The following PCDH15 variants were observed in gnomAD, a reference collection of about 807,000 sequenced individuals.
PCDH15 encodes the protein protocadherin-15.
A neutral mutation model predicts 178.5 loss-of-function variants in PCDH15; 129 were observed. The observed-to-expected ratio is 0.72, with a 90% CI of 0.63 to 0.84. PCDH15 has a LOEUF of 0.84. Ranked by LOEUF, PCDH15 falls within the 40% of genes least tolerant of loss-of-function variation. The pLI, the probability that PCDH15 is intolerant of heterozygous loss-of-function variation, is 0.00. For missense variants in PCDH15, 2,230 were observed against 2,099.9 expected (o/e 1.06, Z -1.21); for synonymous variants, 800 against 732.0 (o/e 1.09, Z -1.50).
Position 55,468,332 on chromosome 10 carries a change from A to T in PCDH15, c.-156+159293T>A, listed in dbSNP as rs999487693. 3 of 152,114 alleles carry T rather than the reference A, an allele frequency of 2.0e-5. No individual in the cohort carries two copies. The East Asian group carries it at 5.8e-4, about 29-fold the overall frequency. 9.4% of individuals were successfully genotyped at this position (152,114 alleles called of 1,614,324 possible). A position where few individuals can be genotyped will look rare whatever the true frequency, so the allele number is the denominator to read the frequency against. ...GAAAGTAGAAAATGGAATTTAGAACACTTTGATTTCTTTTCAATCATAGTT... is the reference window on the plus strand; with the variant it reads ...GAAAGTAGAAAATGGAATTTAGAACTCTTTGATTTCTTTTCAATCATAGTT... On this transcript the variant is annotated intron_variant, in intron 2 of 5. Coordinates refer to the PCDH15 transcript ENST00000613346.
At chr10:54,600,743 C>A in intron 2 of PCDH15, 1 of 507,986 alleles carries the variant, frequency 2.0e-6, no homozygotes, top group South Asian at 1.5e-5. Flanking sequence ...ATGTGATTGA[C>A]AGCTTCAAAA....
chr10:55,221,191 T>C (rs1840865851), intron 1 of PCDH15, among the ~76,000 whole-genome samples: 1 of 152,096 alleles, frequency 6.6e-6, no homozygotes, highest in Admixed American at 6.5e-5. Flanking sequence ...ACATAGTGTG[T>C]GTCCAAGAAC....
At chr10:53,966,466 G>T (rs2089032505) in intron 21 of PCDH15, among the ~76,000 whole-genome samples, 3 of 150,250 alleles carry the variant, frequency 2.0e-5, no homozygotes, top group Middle Eastern at 3.4e-3. Flanking sequence ...TCTTTCCAAA[G>T]TCTTTTTAAA....
intron 27 of PCDH15, among the ~76,000 whole-genome samples, chr10:53,858,377 A>G (rs1278810578): frequency 6.6e-6 from 1 of 152,112 alleles, no homozygotes; most frequent in Non-Finnish European, 1.5e-5. Flanking sequence ...CTTAAATGAG[A>G]AAAGTAGCCA....
intron 2 of PCDH15, among the ~76,000 whole-genome samples, chr10:55,615,906 G>T (rs560160672): frequency 6.6e-6 from 1 of 152,126 alleles, no homozygotes; most frequent in African/African-American, 2.4e-5. Flanking sequence ...ATACACAAAA[G>T]AAAATAATTC....
intron 30 of PCDH15, chr10:53,831,056 A>G: frequency 1.5e-6 from 1 of 689,238 alleles, no homozygotes. Flanking sequence ...ACAAAGCCAC[A>G]GGAACTAAGG....
intron 3 of PCDH15, among the ~76,000 whole-genome samples, chr10:54,391,439 G>A (rs1291756875): frequency 1.3e-5 from 2 of 152,014 alleles, no homozygotes; most frequent in Admixed American, 6.6e-5. Flanking sequence ...TGGTGTACCA[G>A]CAAGAAAATG....
intron 2 of PCDH15, among the ~76,000 whole-genome samples, chr10:54,631,935 G>C (rs984742464): frequency 1.3e-5 from 2 of 151,976 alleles, no homozygotes; most frequent in African/African-American, 4.8e-5. Context: ...ACCTTCACCT[G>C]GTCTCTCCCT....
chr10:55,304,568 G>A (rs1261407994), intron 1 of PCDH15, among the ~76,000 whole-genome samples: 1 of 151,968 alleles, frequency 6.6e-6, no homozygotes, highest in East Asian at 1.9e-4. Context: ...ATCTACTTTT[G>A]ACTCACTCCA....
At chr10:54,093,916 G>C (rs909280609) in intron 15 of PCDH15, among the ~76,000 whole-genome samples, 1 of 152,036 alleles carries the variant, frequency 6.6e-6, no homozygotes, top group South Asian at 2.1e-4. Context: ...GATATAAATT[G>C]CTTCTTTTTA....
chr10:54,901,378 C>A (rs1040420023), intron 2 of PCDH15, among the ~76,000 whole-genome samples: 1 of 152,186 alleles, frequency 6.6e-6, no homozygotes, highest in Admixed American at 6.5e-5. Flanking sequence ...ATTGCAGAAC[C>A]TCATCAACCA....
intron 6 of PCDH15, 30 bp from the exon 7 acceptor site, chr10:54,329,736 T>A: frequency 7.4e-7 from 1 of 1,350,324 alleles, no homozygotes; most frequent in South Asian, 1.2e-5. Flanking sequence ...AGACTTCAGA[T>A]TATTTGAATG....
intron 3 of PCDH15, among the ~76,000 whole-genome samples, chr10:54,844,269 G>A (rs1029607695): frequency 1.3e-5 from 2 of 151,984 alleles, no homozygotes; most frequent in African/African-American, 4.8e-5. Flanking sequence ...TGAGGGGAGA[G>A]ACAGAGACAG....
chr10:54,033,494 T>C (rs2093349629), intron 18 of PCDH15, among the ~76,000 whole-genome samples: 1 of 151,934 alleles, frequency 6.6e-6, no homozygotes, highest in African/African-American at 2.4e-5. Flanking sequence ...ACCATAAACA[T>C]TTCCACATAA....
At chr10:55,249,651 G>C (rs947522332) in intron 1 of PCDH15, among the ~76,000 whole-genome samples, 1 of 152,038 alleles carries the variant, frequency 6.6e-6, no homozygotes, top group African/African-American at 2.4e-5. Flanking sequence ...TATTAGTAAG[G>C]TGTGACATGC....
intron 24 of PCDH15, among the ~76,000 whole-genome samples, chr10:53,940,027 G>GCAATACCT (rs1342661082): frequency 6.6e-5 from 10 of 152,128 alleles, no homozygotes; most frequent in Non-Finnish European, 1.3e-4. Flanking sequence ...TACACGGGCA[G>GCAATACCT]CAATACCTAG....
intron 2 of PCDH15, among the ~76,000 whole-genome samples, chr10:55,507,839 G>C (rs371908766): frequency 1.3e-5 from 2 of 151,506 alleles, no homozygotes; most frequent in African/African-American, 4.8e-5. Flanking sequence ...AATAGCTGAG[G>C]TGTTTTTCTT....
At chr10:54,420,107 A>G (rs912300601) in intron 3 of PCDH15, among the ~76,000 whole-genome samples, 1 of 152,144 alleles carries the variant, frequency 6.6e-6, no homozygotes, top group Non-Finnish European at 1.5e-5. Flanking sequence ...TAGCAAATAG[A>G]AAGTGGTAGA....
chr10:54,421,977 T>C (rs1955581882), intron 3 of PCDH15, among the ~76,000 whole-genome samples: 1 of 144,456 alleles, frequency 6.9e-6, no homozygotes, highest in Non-Finnish European at 1.5e-5. Context: ...AGGGAGGGCA[T>C]TGTTAATCCT....
Sources: allele counts gnomAD v4.1 joint callset (sites outside exome capture counted in the v4.1 genomes callset), GRCh38; gene constraint gnomAD v4.1.1; transcripts MANE v1.5; gene names NCBI Gene and HGNC (gene_info 2026-07-23, HGNC 2026-07-21).